TMEM114: variants seen among roughly 807,000 people sequenced by gnomAD.
TMEM114 encodes the protein claudin-26.
Under a neutral mutation model 6.2 loss-of-function variants are expected in TMEM114, and 6 were observed. That is an observed-to-expected ratio of 0.97 (90% confidence interval 0.53 to 1.91). The LOEUF (loss-of-function observed/expected upper bound fraction) is 1.91. Ranked by LOEUF, TMEM114 falls within the 40% of genes most tolerant of loss-of-function variation. The probability of loss-of-function intolerance (pLI) is 0.01; values close to 1 mark genes in which losing one functional copy is unlikely to be tolerated. For missense variants in TMEM114, 218 were observed against 158.3 expected (o/e 1.38, Z -2.02); for synonymous variants, 104 against 73.0 (o/e 1.42, Z -2.16).
intron 3 of TMEM114, 22 bp downstream of exon 3, chr16:8,572,065 C>T (rs775970498): frequency 6.6e-7 from 1 of 1,523,352 alleles, no homozygotes; most frequent in South Asian, 1.3e-5. Context: ...AAGCCAGAGC[C>T]CTAGGCAGGG....
chr16:8,558,685 C>G (rs541010106), intron 2 of TMEM114, among the ~76,000 whole-genome samples: 1 of 152,132 alleles, frequency 6.6e-6, no homozygotes. Context: ...TTCACCCCAC[C>G]TCTCAGGGCC....
chr16:8,564,980 A>C (rs1901486992), downstream of TMEM114, among the ~76,000 whole-genome samples: 1 of 152,090 alleles, frequency 6.6e-6, no homozygotes, highest in Admixed American at 6.5e-5. Flanking sequence ...GGAGTGAAAG[A>C]GTGAGTGAGT....
At chr16:8,562,772 ATGAG>A (rs1901305696) in intron 2 of TMEM114, among the ~76,000 whole-genome samples, 1 of 142,030 alleles carries the variant, frequency 7.0e-6, no homozygotes, top group Non-Finnish European at 1.5e-5. Flanking sequence ...GAGGGAGGGA[ATGAG>A]TGAGTGAATG....
chr16:8,528,876 G>A, the TMEM114 span, among the ~76,000 whole-genome samples: 1 of 152,204 alleles, frequency 6.6e-6, no homozygotes, highest in Non-Finnish European at 1.5e-5. Context: ...GGCATTCTTG[G>A]TAGGGGGGAT....
chr16:8,554,728 G>T (rs1012960097), intron 2 of TMEM114, among the ~76,000 whole-genome samples: 2 of 152,222 alleles, frequency 1.3e-5, no homozygotes, highest in African/African-American at 4.8e-5. Context: ...AAAAGCAGCT[G>T]ACACTGGCTT....
chr16:8,576,680 G>T (rs1289644863), intron 2 of TMEM114, among the ~76,000 whole-genome samples: 2 of 151,234 alleles, frequency 1.3e-5, no homozygotes, highest in Non-Finnish European at 2.9e-5. Context: ...CTGTGCAATG[G>T]ATGGCTGAGT....
intron 2 of TMEM114, among the ~76,000 whole-genome samples, chr16:8,577,758 A>T (rs1051858743): frequency 6.6e-6 from 1 of 150,960 alleles, no homozygotes; most frequent in Non-Finnish European, 1.5e-5. Context: ...GAATTTTTGT[A>T]TTTTTTTTAG....
Position 8,589,811 on chromosome 16 carries a change from C to T in TMEM114, c.28G>A (p.Gly10Ser), listed in dbSNP as rs1233712677. The T allele has an allele frequency of 1.0e-5, 4 of 398,434 alleles. No homozygotes were observed. Among genetic ancestry groups the T allele is most frequent in the East Asian group, 3.6e-5 (1 of 28,034 alleles). The allele number at this position is 398,434 out of a possible 1,614,324, so 24.7% of individuals were successfully genotyped here. A position where few individuals can be genotyped will look rare whatever the true frequency, so the allele number is the denominator to read the frequency against. MRVHLGGLA[G>S]AAALTGALSF... ...AGCGCCCCGGTCAGCGCAGCCGCGC[C>T]GGCCAGCCCGCCCAGGTGCACCCGC... The change falls in exon 1 of 4, where the codon GGC becomes AGC. Residue 10 changes from glycine to serine, a missense_variant. Gly to Ser is a moderately conservative substitution (Grantham distance 56). Coordinates refer to ENST00000620492, the MANE Select transcript of TMEM114 (RefSeq NM_001146336.2).
At chr16:8,541,297 C>G (rs1034738358) in intron 2 of TMEM114, among the ~76,000 whole-genome samples, 3 of 152,136 alleles carry the variant, frequency 2.0e-5, no homozygotes, top group Non-Finnish European at 2.9e-5. Flanking sequence ...CAGTCCTGGA[C>G]TCAGAGCATC....
intron 2 of TMEM114, among the ~76,000 whole-genome samples, chr16:8,547,385 TTTCTTTCTTTC>T (rs1449321588): frequency 1.1e-3 from 161 of 147,486 alleles, no homozygotes; most frequent in African/African-American, 3.9e-3. Flanking sequence ...TCTTTCTTTC[TTTCTTTCTTTC>T]TTTTTTTTTT....
chr16:8,547,259 C>T (rs1291566297), intron 2 of TMEM114, among the ~76,000 whole-genome samples: 1 of 152,188 alleles, frequency 6.6e-6, no homozygotes, highest in Admixed American at 6.5e-5. Flanking sequence ...GGGCAGAAAG[C>T]ATCAACCAGG....
chr16:8,566,856 G>T (rs1284828080), downstream of TMEM114, among the ~76,000 whole-genome samples: 1 of 150,362 alleles, frequency 6.7e-6, no homozygotes, highest in Non-Finnish European at 1.5e-5. Flanking sequence ...GTCCTTCCTG[G>T]AGTCACATCT....
intron 2 of TMEM114, among the ~76,000 whole-genome samples, chr16:8,558,937 G>T (rs1454511062): frequency 2.0e-5 from 3 of 151,842 alleles, no homozygotes; most frequent in Non-Finnish European, 1.5e-5. Context: ...TAGAGACGGG[G>T]TTTCACCATG....
chr16:8,529,406 G>T, the TMEM114 span, among the ~76,000 whole-genome samples: 4 of 152,194 alleles, frequency 2.6e-5, no homozygotes, highest in African/African-American at 4.8e-5. Flanking sequence ...GTCGCTGGAA[G>T]CAGCAAAGTG....
At chr16:8,555,490 C>T (rs1900981633) in intron 2 of TMEM114, among the ~76,000 whole-genome samples, 1 of 152,124 alleles carries the variant, frequency 6.6e-6, no homozygotes, top group African/African-American at 2.4e-5. Context: ...GGAGGTGTTG[C>T]CATGGCAAGG....
At chr16:8,574,582 C>CTTCCTTCTTTCT (rs140621744) in intron 2 of TMEM114, among the ~76,000 whole-genome samples, 63 of 142,550 alleles carry the variant, frequency 4.4e-4, no homozygotes, top group Middle Eastern at 3.5e-3. Flanking sequence ...TCCTTCCTTC[C>CTTCCTTCTTTCT]TTCTTTCTTT....
intron 3 of TMEM114, among the ~76,000 whole-genome samples, 193 bp from the exon 4 acceptor site, chr16:8,570,198 C>T (rs1256360294): frequency 6.6e-6 from 1 of 152,264 alleles, no homozygotes; most frequent in Non-Finnish European, 1.5e-5. Context: ...ATCGGCAACT[C>T]CTACCCTTCC....
intron 2 of TMEM114, among the ~76,000 whole-genome samples, chr16:8,552,110 C>T (rs577458169): frequency 6.6e-6 from 1 of 151,916 alleles, no homozygotes; most frequent in Admixed American, 6.6e-5. Flanking sequence ...CACAGCGGCT[C>T]ACACCTGTAA....
intron 2 of TMEM114, among the ~76,000 whole-genome samples, chr16:8,552,855 T>C (rs1056395609): frequency 2.6e-5 from 4 of 152,190 alleles, no homozygotes; most frequent in African/African-American, 9.7e-5. Context: ...CCCTTGATCC[T>C]TGGGCTTAAC....
Sources: allele counts gnomAD v4.1 joint callset (sites outside exome capture counted in the v4.1 genomes callset), GRCh38; gene constraint gnomAD v4.1.1; transcripts MANE v1.5; gene names NCBI Gene and HGNC (gene_info 2026-07-23, HGNC 2026-07-21).